The following HMCN2 variants were observed in gnomAD, a reference collection of about 807,000 sequenced individuals.
HMCN2 encodes hemicentin-2.
HMCN2 carries 325 observed loss-of-function variants against 377.5 expected under a neutral mutation model. The observed-to-expected ratio is 0.86, with a 90% CI of 0.79 to 0.94. The LOEUF (loss-of-function observed/expected upper bound fraction) is 0.94, where lower values mean the gene tolerates loss of function less well. Among genes scored for constraint, HMCN2 ranks in the 40% least tolerant of loss-of-function variants. The probability of loss-of-function intolerance (pLI) is 0.00; values close to 1 mark genes in which losing one functional copy is unlikely to be tolerated. For synonymous variants in HMCN2, 2,007 were observed against 2,046.8 expected (o/e 0.98, Z 0.53); for missense variants, 4,543 against 4,725.3 (o/e 0.96, Z 1.13).
chr9:130,346,599 C>G (rs1218578706), intron 25 of HMCN2, among the ~76,000 whole-genome samples: 4 of 152,088 alleles, frequency 2.6e-5, no homozygotes, highest in Non-Finnish European at 5.9e-5. Flanking sequence ...CAGGCCCTAA[C>G]CCCAGGGCAC....
chr9:130,396,055 G>A lies in HMCN2; in HGVS notation c.11043G>A (p.Val3681=), dbSNP rs1465475177. Residue 3681 remains valine, a synonymous_variant, in exon 72 of 98, where the codon GTG becomes GTA. Coordinates refer to ENST00000683500, the MANE Select transcript of HMCN2 (RefSeq NM_001291815.2). ...GCAGCACTAGTGTCGCCTTCCGCGT[G>A]GAGATCCACAGTGAGTAGGGCCCGC... ...AAGSTSVAFR[V]EIHTVPTIRS... 7.8e-7 allele frequency: 1 copy of A among 1,283,956 alleles called. No homozygotes were observed. 79.5% of individuals were successfully genotyped at this position (1,283,956 alleles called of 1,614,324 possible).
Position 130,402,847 on chromosome 9 carries a change from C to G in HMCN2, c.11829C>G (p.Ala3943=), listed in dbSNP as rs773082919. 2.5e-5 allele frequency: 32 copies of G among 1,289,802 alleles called. 1 individual carries two copies. The South Asian group carries it at 3.9e-4, about 16-fold the overall frequency. The allele number at this position is 1,289,802 out of a possible 1,614,324, so 79.9% of individuals were successfully genotyped here. Residue 3943 remains alanine (A), a synonymous_variant, in exon 78 of 98, where the codon GCC becomes GCG. Transcript: ENST00000683500. ...ACGCAGGCCGCTACACCTGCTCAGC[C>G]CGCAACTCTGCCGGCGTAGCCCACA... ...PIHAGRYTCS[A]RNSAGVAHKH... is the part of the protein sequence containing the mutation.
chr9:130,391,191 A>C lies in HMCN2; in HGVS notation c.9668-13A>C. 1 of 987,790 alleles carries C rather than the reference A, an allele frequency of 1.0e-6. No individual in the cohort carries two copies. 61.2% of individuals were successfully genotyped at this position (987,790 alleles called of 1,614,324 possible). On this transcript the variant is annotated splice_polypyrimidine_tract_variant and intron_variant, in intron 63 of 97. Transcript: ENST00000683500. ...CTGCCATCACCCAGGGCCTCACTGC[A>C]CCCCTGCCTCAGTGGCCCCCCGGAT...
intron 17 of HMCN2, 96 bp from the exon 18 acceptor site, chr9:130,320,680 A>G (rs1444159366): frequency 1.1e-4 from 16 of 152,230 alleles, no homozygotes; most frequent in Admixed American, 1.0e-3. Flanking sequence ...TGCATCTCTC[A>G]GTTCCCTGGG....
intron 89 of HMCN2, 112 bp downstream of exon 89, chr9:130,425,242 C>A: frequency 8.1e-7 from 1 of 1,230,188 alleles, no homozygotes; most frequent in African/African-American, 1.5e-5. Context: ...GACAGCGCTG[C>A]AGGGCTGGGT....
At chr9:130,295,165 G>T (rs545880648) in intron 5 of HMCN2, 139 bp downstream of exon 5, 2 of 288,244 alleles carry the variant, frequency 6.9e-6, no homozygotes, top group South Asian at 2.9e-5. Flanking sequence ...GGGTGGGGGG[G>T]ACACGAAGTG....
chr9:130,388,418 C>A lies in HMCN2; in HGVS notation c.9401C>A (p.Thr3134Lys), dbSNP rs949977173. 7.1e-6 allele frequency: 7 copies of A among 987,880 alleles called. No homozygotes were observed. Among genetic ancestry groups the A allele is most frequent in the Middle Eastern group, 2.8e-4 (1 of 3,566 alleles). 61.2% of individuals were successfully genotyped at this position (987,880 alleles called of 1,614,324 possible). ...TFTLTVQVPP[T>K]FENPKTETVS... Reference sequence around the variant, plus strand: ...GGCTTTCTTCCTGCAGTGCCCCCAACATTTGAGAACCCCAAGACAGAGACA... The same window carrying A: ...GGCTTTCTTCCTGCAGTGCCCCCAAAATTTGAGAACCCCAAGACAGAGACA... The change falls in exon 62 of 98, where the codon ACA becomes AAA. Residue 3134 changes from threonine (T) to lysine (K), a missense_variant. By Grantham distance (78) the Thr-to-Lys change is moderately conservative. Around this residue, in one of 5 missense-constraint regions of HMCN2, gnomAD observed 736 missense variants for 773.2 expected, o/e 0.95. Transcript: ENST00000683500.
intron 1 of HMCN2, 56 bp from the exon 2 acceptor site, chr9:130,284,547 G>A (rs557974014): frequency 1.5e-5 from 7 of 470,094 alleles, no homozygotes; most frequent in Admixed American, 1.2e-4. Flanking sequence ...CCAGCCCACC[G>A]GGCTGTGTGT....
At chr9:130,412,567 C>CTTTTTTTTTTTTTTTTTTTTTTTT (rs55873444) in intron 85 of HMCN2, among the ~76,000 whole-genome samples, 2 of 134,528 alleles carry the variant, frequency 1.5e-5, no homozygotes, top group East Asian at 2.2e-4. Context: ...CTTTCTTTCT[C>CTTTTTTTTTTTTTTTTTTTTTTTT]TTTTTTTTTT....
At chr9:130,287,333 G>T (rs10988677) in intron 4 of HMCN2, among the ~76,000 whole-genome samples, 3 of 151,748 alleles carry the variant, frequency 2.0e-5, no homozygotes, top group Non-Finnish European at 4.4e-5. Flanking sequence ...CTCCCCGCCC[G>T]GGGCCTTTGC....
chr9:130,294,601 G>A (rs1244810757), intron 4 of HMCN2, among the ~76,000 whole-genome samples: 1 of 152,190 alleles, frequency 6.6e-6, no homozygotes, highest in African/African-American at 2.4e-5. Context: ...GTGTGGAAGA[G>A]TCTTCCCAGT....
At chr9:130,412,070 C>T (rs570481288) in intron 85 of HMCN2, among the ~76,000 whole-genome samples, 2 of 152,300 alleles carry the variant, frequency 1.3e-5, no homozygotes, top group East Asian at 3.9e-4. Context: ...CTCCCGGGTT[C>T]AGGCGTTTCT....
intron 25 of HMCN2, among the ~76,000 whole-genome samples, chr9:130,344,521 T>C (rs1839236360): frequency 6.7e-6 from 1 of 149,732 alleles, no homozygotes; most frequent in South Asian, 2.1e-4. Flanking sequence ...GTGTGTGTGG[T>C]GTGTAGTGTG....
At chr9:130,374,074 G>A (rs1841238254) in intron 48 of HMCN2, among the ~76,000 whole-genome samples, 1 of 151,866 alleles carries the variant, frequency 6.6e-6, no homozygotes, top group African/African-American at 2.4e-5. Flanking sequence ...GTAGATGAAT[G>A]GATGGTTGGA....
chr9:130,270,131 T>G (rs1432342371), intron 1 of HMCN2, among the ~76,000 whole-genome samples: 1 of 148,330 alleles, frequency 6.7e-6, no homozygotes, highest in Non-Finnish European at 1.5e-5. Flanking sequence ...CTTTTTTTTT[T>G]TAAGTGTACT....
At chr9:130,298,183 A>G (rs1275118666) in intron 7 of HMCN2, among the ~76,000 whole-genome samples, 4 of 151,956 alleles carry the variant, frequency 2.6e-5, no homozygotes, top group Non-Finnish European at 4.4e-5. Context: ...TGAACTCCTG[A>G]CCTCAGGTGA....
chr9:130,301,775 C>A (rs369601879), intron 8 of HMCN2, among the ~76,000 whole-genome samples: 4 of 152,242 alleles, frequency 2.6e-5, no homozygotes, highest in Non-Finnish European at 5.9e-5. Flanking sequence ...CCTCTGCTGG[C>A]GGGGATGGGG....
In HMCN2 at chr9:130,307,463, G is replaced by C. The variant is rs782144289; in HGVS notation, c.2097G>C (p.Ser699=). ...TVTLYYTDPP[S]VSAVNAVVLV... ...CTCTTCCCCACACAGACCCACCGTC[G>C]GTCTCTGCTGTAAATGCCGTGGTGC... The change falls in exon 14 of 98, where the codon TCG becomes TCC. Residue 699 remains serine (S), a synonymous_variant. Transcript: ENST00000683500. The C allele has an allele frequency of 4.2e-6, 2 of 470,962 alleles. No individual in the cohort carries two copies. Among genetic ancestry groups the C allele is most frequent in the Non-Finnish European group, 8.8e-6 (2 of 227,058 alleles). The allele number at this position is 470,962 out of a possible 1,614,324, so 29.2% of individuals were successfully genotyped here.
intron 18 of HMCN2, among the ~76,000 whole-genome samples, chr9:130,321,571 G>A (rs1315193253): frequency 6.6e-6 from 1 of 152,056 alleles, no homozygotes; most frequent in Non-Finnish European, 1.5e-5. Flanking sequence ...AGGGTATGTA[G>A]GGGTCAGGCC....
Sources: allele counts gnomAD v4.1 joint callset (sites outside exome capture counted in the v4.1 genomes callset), GRCh38; gene constraint gnomAD v4.1.1; regional missense constraint gnomAD v4.1.1; transcripts MANE v1.5; gene names NCBI Gene and HGNC (gene_info 2026-07-23, HGNC 2026-07-21).